The following PKD1L1 variants were observed in gnomAD, a reference collection of about 807,000 sequenced individuals.
PKD1L1 encodes polycystin 1 like 1, transient receptor potential channel interacting, also known as polycystin-1-like protein 1.
PKD1L1 carries 236 observed loss-of-function variants against 323.4 expected under a neutral mutation model. The ratio of observed to expected loss-of-function variants is 0.73; its 90% CI spans 0.66 to 0.81. The LOEUF is 0.81. Ranked by LOEUF, PKD1L1 falls within the 40% of genes least tolerant of loss-of-function variation. PKD1L1 has a pLI of 0.00. For synonymous variants in PKD1L1, 1,344 were observed against 1,335.0 expected, an observed-to-expected ratio of 1.01 and a Z score of -0.15; for missense variants, 3,320 against 3,508.0, an observed-to-expected ratio of 0.95 and a Z score of 1.35.
chr7:47,952,029 A>C (rs192109425), upstream of PKD1L1, among the ~76,000 whole-genome samples: 13 of 152,166 alleles, frequency 8.5e-5, no homozygotes, highest in East Asian at 2.5e-3. Context: ...TGTCATTTCC[A>C]TTCTGTTCCT....
At chr7:47,813,457 G>T in intron 48 of PKD1L1, 164 bp from the exon 49 acceptor site, 1 of 790,718 alleles carries the variant, frequency 1.3e-6, no homozygotes, top group Non-Finnish European at 2.1e-6. Flanking sequence ...GTGGTCTACA[G>T]ACTCTAGCTC....
intron 21 of PKD1L1, 80 bp from the exon 22 acceptor site, chr7:47,877,711 C>T: frequency 3.3e-6 from 5 of 1,493,110 alleles, no homozygotes; most frequent in Non-Finnish European, 4.5e-6. Flanking sequence ...ATAGATAAAC[C>T]TTATAGCAGG....
intron 45 of PKD1L1, among the ~76,000 whole-genome samples, chr7:47,824,670 C>T (rs1029057868): frequency 2.0e-5 from 3 of 152,156 alleles, no homozygotes; most frequent in African/African-American, 7.2e-5. Context: ...GATCTACAGG[C>T]ACGCATATTC....
At chr7:47,911,318 A>G (rs985801797) in intron 8 of PKD1L1, among the ~76,000 whole-genome samples, 1 of 152,186 alleles carries the variant, frequency 6.6e-6, no homozygotes, top group African/African-American at 2.4e-5. Flanking sequence ...GCCTCCCCAG[A>G]AGCTAAGCAA....
At chr7:47,834,781 T>C (rs1322477145) in intron 39 of PKD1L1, among the ~76,000 whole-genome samples, 186 bp downstream of exon 39, 1 of 152,196 alleles carries the variant, frequency 6.6e-6, no homozygotes, top group East Asian at 1.9e-4. Context: ...TTCATATAAA[T>C]GTGGGCAAAT....
the PKD1L1 span, among the ~76,000 whole-genome samples, chr7:47,957,862 A>AAAAATATATATATAT: frequency 7.4e-6 from 1 of 134,666 alleles, no homozygotes; most frequent in Non-Finnish European, 1.6e-5. Flanking sequence ...ATTAAAAAAA[A>AAAAATATATATATAT]ATATATATAT....
At chr7:47,787,870 C>T (rs919138205) in intron 56 of PKD1L1, among the ~76,000 whole-genome samples, 2 of 152,090 alleles carry the variant, frequency 1.3e-5, no homozygotes, top group Non-Finnish European at 2.9e-5. Flanking sequence ...TGCCACCACA[C>T]CTGGCTAATT....
At chr7:47,918,482 A>C (rs999486274) in intron 7 of PKD1L1, among the ~76,000 whole-genome samples, 2 of 152,048 alleles carry the variant, frequency 1.3e-5, no homozygotes, top group Admixed American at 1.3e-4. Flanking sequence ...CAAAAAAAAA[A>C]ACAATGGATT....
At chr7:47,896,057 C>A (rs1344049592) in intron 14 of PKD1L1, among the ~76,000 whole-genome samples, 1 of 152,140 alleles carries the variant, frequency 6.6e-6, no homozygotes, top group Non-Finnish European at 1.5e-5. Flanking sequence ...TATGTCCTGG[C>A]CAGGCGTGAT....
At chr7:47,892,097 C>T (rs1394616685) in intron 15 of PKD1L1, among the ~76,000 whole-genome samples, 4 of 152,132 alleles carry the variant, frequency 2.6e-5, no homozygotes, top group African/African-American at 9.7e-5. Context: ...AGAGCCCTGC[C>T]CTCCAGAGCA....
intron 46 of PKD1L1, among the ~76,000 whole-genome samples, chr7:47,816,429 T>TC (rs1363018397): frequency 1.3e-5 from 2 of 152,154 alleles, no homozygotes; most frequent in Non-Finnish European, 2.9e-5. Flanking sequence ...CAGCAGGGTG[T>TC]CCATTTGGCT....
intron 21 of PKD1L1, among the ~76,000 whole-genome samples, 163 bp downstream of exon 21, chr7:47,880,563 TGA>T: frequency 1.5e-5 from 1 of 64,630 alleles, no homozygotes; most frequent in African/African-American, 1.2e-4. Context: ...ATTACAAGCG[TGA>T]GCCACTGTGC....
chr7:47,887,782 T>G (rs959960067), intron 17 of PKD1L1, among the ~76,000 whole-genome samples: 2 of 152,202 alleles, frequency 1.3e-5, no homozygotes, highest in African/African-American at 2.4e-5. Context: ...GAAGCAGCCC[T>G]TGAGTGTGTC....
At chr7:47,832,181 C>G (rs566765577) in intron 41 of PKD1L1, among the ~76,000 whole-genome samples, 1 of 152,348 alleles carries the variant, frequency 6.6e-6, no homozygotes, top group African/African-American at 2.4e-5. Context: ...AGAATGTGAG[C>G]TGTGGCCGGG....
chr7:47,787,909 T>G (rs1219498670), intron 56 of PKD1L1, among the ~76,000 whole-genome samples: 1 of 152,034 alleles, frequency 6.6e-6, no homozygotes, highest in East Asian at 1.9e-4. Context: ...CAAGATCTCA[T>G]CATGTTGCCC....
chr7:47,865,304 G>A (rs1273812937), intron 25 of PKD1L1, 32 bp from the exon 26 acceptor site: 1 of 1,584,426 alleles, frequency 6.3e-7, no homozygotes, highest in Admixed American at 1.7e-5. Flanking sequence ...AAAACAAAAA[G>A]AAAATGCAAG....
At chr7:47,935,554 G>A (rs1787851872) in intron 4 of PKD1L1, among the ~76,000 whole-genome samples, 1 of 152,242 alleles carries the variant, frequency 6.6e-6, no homozygotes, top group Admixed American at 6.5e-5. Context: ...CTCGGAGACT[G>A]CAATGGGGGG....
rs1411602571 is a variant in PKD1L1 at position 47,929,080 on chromosome 7, A to C, written c.1060+124T>G. On this transcript the variant is annotated intron_variant, in intron 7 of 56. Coordinates refer to ENST00000289672, the MANE Select transcript of PKD1L1 (RefSeq NM_138295.5). The stretch of plus-strand genomic sequence containing the variant: ...CCACTGAGCTACTATTCTTGGAGCC[A>C]GGAAGGTTGGCTGAGTCCAGAGAAA... 9 of 998,106 alleles carry C rather than the reference A, an allele frequency of 9.0e-6. No homozygotes were observed. The East Asian group carries it at 2.0e-4, about 22-fold the overall frequency. The allele number at this position is 998,106 out of a possible 1,614,324, so 61.8% of individuals were successfully genotyped here.
At position 47,932,074 on chromosome 7, in the gene PKD1L1, T is replaced by G; in HGVS notation, c.399-18A>C. ...GGGGAATTCTGTATGGGAAGGAAAG[T>G]GCAGAAAGAAAAGGAAACCCGGTCA... On this transcript the variant is annotated intron_variant, in intron 4 of 56. Transcript: ENST00000289672. 1 of 1,589,320 alleles carries G rather than the reference T, an allele frequency of 6.3e-7. No individual in the cohort carries two copies. The highest frequency in any genetic ancestry group is 8.6e-7 in the Non-Finnish European group (1 of 1,166,970).
Sources: allele counts gnomAD v4.1 joint callset (sites outside exome capture counted in the v4.1 genomes callset), GRCh38; gene constraint gnomAD v4.1.1; transcripts MANE v1.5; gene names NCBI Gene and HGNC (gene_info 2026-07-23, HGNC 2026-07-21).